AMN: variants seen among roughly 807,000 people sequenced by gnomAD.
AMN encodes protein amnionless.
AMN carries 40 observed loss-of-function variants against 49.1 expected under a neutral mutation model. The observed-to-expected ratio is 0.81, with a 90% confidence interval of 0.63 to 1.06. The LOEUF is 1.06. Ranked by LOEUF, AMN falls within the 50% of genes least tolerant of loss-of-function variation. AMN has a pLI of 0.00. For synonymous variants in AMN, 380 were observed against 313.3 expected, an observed-to-expected ratio of 1.21 and a Z score of -2.25; for missense variants, 701 against 662.8, an observed-to-expected ratio of 1.06 and a Z score of -0.63.
intron 3 of AMN, among the ~76,000 whole-genome samples, chr14:102,924,204 ACCC>A (rs1271546063): frequency 1.6e-3 from 250 of 152,146 alleles, no homozygotes; most frequent in African/African-American, 6.0e-3. Flanking sequence ...GATGGGAGGC[ACCC>A]CTGTCCCCAC....
intron 2 of AMN, 26 bp downstream of exon 2, chr14:102,923,855 G>T: frequency 6.2e-7 from 1 of 1,612,644 alleles, no homozygotes; most frequent in Non-Finnish European, 8.5e-7. Flanking sequence ...GGCGGGGTCG[G>T]TGATGGGCCT....
Position 102,923,726 on chromosome 14 carries a change from T to C in AMN, c.59T>C (p.Val20Ala). The change falls in exon 2 of 12, where the codon GTC becomes GCC. Residue 20 changes from valine (V) to alanine (A), a missense_variant. Physicochemically the swap from Val to Ala is moderately conservative, Grantham distance 64. Coordinates refer to ENST00000299155, the MANE Select transcript of AMN (RefSeq NM_030943.4). ...TCCTCCCCAGCACTGACCCAGGCGGTCTCCAAACTCTGGGTCCCCAACACG... is the reference window on the plus strand; with the variant it reads ...TCCTCCCCAGCACTGACCCAGGCGGCCTCCAAACTCTGGGTCCCCAACACG... ...WLQLCALTQA[V>A]SKLWVPNTDF... 1 of 1,612,670 alleles carries C rather than the reference T, an allele frequency of 6.2e-7. No homozygotes were observed. Among genetic ancestry groups the C allele is most frequent in the Non-Finnish European group, 8.5e-7 (1 of 1,179,850 alleles).
intron 3 of AMN, among the ~76,000 whole-genome samples, chr14:102,924,354 CCT>C (rs1293091348): frequency 2.0e-5 from 3 of 151,884 alleles, no homozygotes; most frequent in Non-Finnish European, 2.9e-5. Flanking sequence ...AACACCCCCC[CCT>C]CTACCCACCA....
chr14:102,923,478 G>C, intron 1 of AMN: 1 of 542,780 alleles, frequency 1.8e-6, no homozygotes, highest in Non-Finnish European at 3.3e-6. Context: ...CCTGCAGGGC[G>C]CGTTTGAGCG....
In AMN at chr14:102,930,299, C is replaced by T. The variant is rs1345352857; in HGVS notation, c.1141C>T (p.Pro381Ser). Residue 381 changes from proline to serine, a missense_variant, in exon 10 of 12, where the codon CCG becomes TCG. Coordinates refer to ENST00000299155, the MANE Select transcript of AMN (RefSeq NM_030943.4). ...GCTGCTGGTCCTGCTGGTGGCGCCG[C>T]CGCTGCTGCGCCGCGCGGGGAGGCT... ...LALLVLLVAP[P>S]LLRRAGRLRW... The T allele has an allele frequency of 1.1e-5, 15 of 1,371,110 alleles. No individual in the cohort carries two copies. Among genetic ancestry groups the T allele is most frequent in the Non-Finnish European group, 1.4e-5 (15 of 1,069,718 alleles). The allele number at this position is 1,371,110 out of a possible 1,614,324, so 84.9% of individuals were successfully genotyped here. A position where few individuals can be genotyped will look rare whatever the true frequency, so the allele number is the denominator to read the frequency against.
chr14:102,927,792 C>A (rs1260867190), intron 3 of AMN, among the ~76,000 whole-genome samples: 2 of 152,176 alleles, frequency 1.3e-5, no homozygotes, highest in Non-Finnish European at 2.9e-5. Context: ...GCCAGTCAGA[C>A]CCCCCGTATT....
intron 1 of AMN, 95 bp from the exon 2 acceptor site, chr14:102,923,616 C>T (rs1595430258): frequency 2.6e-6 from 3 of 1,149,704 alleles, no homozygotes; most frequent in Non-Finnish European, 3.9e-6. Flanking sequence ...CCGGGTGATC[C>T]GCGCGGACCT....
intron 3 of AMN, among the ~76,000 whole-genome samples, chr14:102,925,001 C>T (rs1891154439): frequency 1.3e-5 from 2 of 152,270 alleles, no homozygotes; most frequent in African/African-American, 2.4e-5. Flanking sequence ...ACAGCCTGCC[C>T]GCTTGGTTGA....
intron 8 of AMN, 84 bp downstream of exon 8, chr14:102,929,821 C>CT: frequency 6.5e-7 from 1 of 1,542,888 alleles, no homozygotes; most frequent in Non-Finnish European, 8.8e-7. Context: ...TGCAGGGTCC[C>CT]TGCGGCTGCT....
At chr14:102,926,997 A>G (rs1202043585) in intron 3 of AMN, among the ~76,000 whole-genome samples, 1 of 152,142 alleles carries the variant, frequency 6.6e-6, no homozygotes, top group East Asian at 1.9e-4. Flanking sequence ...GGCGCAAACA[A>G]TCCTCCCACC....
In AMN at chr14:102,930,199, G is replaced by A; in HGVS notation, c.1041G>A (p.Arg347=). ...EALGVLEATM[R]ESGAHVWGSS... ...TCGGCGTCCTGGAGGCGACCATGCG[G>A]GAGTCGGGCGCACACGTCTGGGGCA... Residue 347 remains arginine, a synonymous_variant, in exon 10 of 12, where the codon CGG becomes CGA. Transcript: ENST00000299155. The A allele has an allele frequency of 6.8e-7, 1 of 1,475,784 alleles. No individual in the cohort carries two copies. Among genetic ancestry groups the A allele is most frequent in the Non-Finnish European group, 8.9e-7 (1 of 1,119,984 alleles). The allele number at this position is 1,475,784 out of a possible 1,614,324, so 91.4% of individuals were successfully genotyped here.
At chr14:102,926,012 A>T (rs979782978) in intron 3 of AMN, among the ~76,000 whole-genome samples, 1 of 151,518 alleles carries the variant, frequency 6.6e-6, no homozygotes, top group African/African-American at 2.4e-5. Flanking sequence ...CCTTCCTCCC[A>T]TTTCTACCTT....
chr14:102,930,205 G>A lies in AMN; in HGVS notation c.1047G>A (p.Ser349=). Reference sequence around the variant, plus strand: ...TCCTGGAGGCGACCATGCGGGAGTCGGGCGCACACGTCTGGGGCAGCTCCG... The same window carrying A: ...TCCTGGAGGCGACCATGCGGGAGTCAGGCGCACACGTCTGGGGCAGCTCCG... ...LGVLEATMRE[S]GAHVWGSSAA... The change falls in exon 10 of 12, where the codon TCG becomes TCA. Residue 349 remains serine, a synonymous_variant. Coordinates refer to ENST00000299155, the MANE Select transcript of AMN (RefSeq NM_030943.4). 1.4e-6 allele frequency: 2 copies of A among 1,473,020 alleles called. No homozygotes were observed. The highest frequency in any genetic ancestry group is 8.9e-7 in the Non-Finnish European group (1 of 1,118,684). 91.2% of individuals were successfully genotyped at this position (1,473,020 alleles called of 1,614,324 possible). A position where few individuals can be genotyped will look rare whatever the true frequency, so the allele number is the denominator to read the frequency against.
chr14:102,928,629 T>C (rs1891245178), intron 4 of AMN, 116 bp downstream of exon 4: 2 of 1,483,628 alleles, frequency 1.3e-6, no homozygotes, highest in Non-Finnish European at 1.8e-6. Flanking sequence ...GGGGGCGTGG[T>C]TTAGGGAGTG....
chr14:102,928,801 T>A lies in AMN; in HGVS notation c.339T>A (p.His113Gln). Residue 113 changes from histidine (H) to glutamine (Q), a missense_variant, in exon 5 of 12, where the codon CAT becomes CAA. Transcript: ENST00000299155. The stretch of plus-strand genomic sequence containing the variant: ...GCGACTCTGACCGCTTCTCCTGGCA[T>A]GACCCGCACCTGTGGCGCTCTGGGG... ...VFRDSDRFSWHDPHLWRSGDE... is the reference protein window; with the variant it reads ...VFRDSDRFSWQDPHLWRSGDE... The A allele has an allele frequency of 6.2e-7, 1 of 1,608,434 alleles. No individual in the cohort carries two copies. The highest frequency in any genetic ancestry group is 8.5e-7 in the Non-Finnish European group (1 of 1,179,856).
In AMN at chr14:102,930,347, G is replaced by C. The variant is rs1891314003; in HGVS notation, c.1169+20G>C. 10 of 1,415,366 alleles carry C rather than the reference G, an allele frequency of 7.1e-6. No homozygotes were observed. Among genetic ancestry groups the C allele is most frequent in the African/African-American group, 1.5e-5 (1 of 66,408 alleles). 87.7% of individuals were successfully genotyped at this position (1,415,366 alleles called of 1,614,324 possible). The stretch of plus-strand genomic sequence containing the variant: ...GCTCAGGTACGCGGGGCGGGGGCGC[G>C]GAGGTGGGGCTGGGGGTTGCTCCGA... On this transcript the variant is annotated intron_variant, in intron 10 of 11. Transcript: ENST00000299155.
chr14:102,922,774 C>G (rs1173974454), intron 1 of AMN, 43 bp downstream of exon 1: 6 of 1,556,406 alleles, frequency 3.9e-6, no homozygotes, highest in Non-Finnish European at 5.2e-6. Context: ...CGGTAGCGGT[C>G]TGTCAGGACC....
intron 1 of AMN, 44 bp downstream of exon 1, chr14:102,922,775 T>G: frequency 6.4e-7 from 1 of 1,556,690 alleles, no homozygotes; most frequent in Non-Finnish European, 8.7e-7. Flanking sequence ...GGTAGCGGTC[T>G]GTCAGGACCC....
intron 1 of AMN, chr14:102,922,969 C>A: frequency 1.9e-6 from 1 of 537,774 alleles, no homozygotes; most frequent in East Asian, 3.5e-5. Context: ...CCGGGAACCT[C>A]GGCCAGCCCC....
Sources: gnomAD v4.1 joint callset for allele counts (sites outside exome capture counted in the v4.1 genomes callset) on GRCh38, gnomAD v4.1.1 for gene constraint, MANE v1.5 for transcripts, NCBI Gene and HGNC (gene_info 2026-07-23, HGNC 2026-07-21) for gene names.